CABLES1: variants seen among roughly 807,000 people sequenced by gnomAD.
CABLES1 encodes CDK5 and ABL1 enzyme substrate 1.
A neutral mutation model predicts 57.8 loss-of-function variants in CABLES1; 36 were observed. The observed-to-expected ratio is 0.62, with a 90% CI of 0.48 to 0.82. The LOEUF (loss-of-function observed/expected upper bound fraction) is 0.82, where lower values mean the gene tolerates loss of function less well. Among genes scored for constraint, CABLES1 ranks in the 40% least tolerant of loss-of-function variants. CABLES1 has a pLI of 0.00. For missense variants in CABLES1, 767 were observed against 836.6 expected (o/e 0.92, Z 1.03); for synonymous variants, 374 against 363.0 (o/e 1.03, Z -0.35).
chr18:23,142,761 G>T (rs1280994620), intron 1 of CABLES1, among the ~76,000 whole-genome samples: 1 of 152,194 alleles, frequency 6.6e-6, no homozygotes, highest in Non-Finnish European at 1.5e-5. Context: ...TGGTAGAGTG[G>T]TGAGTGAGTG....
intron 1 of CABLES1, among the ~76,000 whole-genome samples, chr18:23,171,171 G>C (rs560762354): frequency 1.3e-5 from 2 of 152,318 alleles, no homozygotes; most frequent in East Asian, 3.9e-4. Context: ...GTAGATCCAG[G>C]CCACATCTCC....
intron 7 of CABLES1, among the ~76,000 whole-genome samples, chr18:23,249,118 C>T (rs1281861513): frequency 1.3e-5 from 2 of 152,266 alleles, no homozygotes; most frequent in Admixed American, 1.3e-4. Flanking sequence ...CTGCCCTGAG[C>T]CTCTTGGCAG....
chr18:23,224,909 C>A (rs1409898198), intron 4 of CABLES1, among the ~76,000 whole-genome samples: 1 of 151,368 alleles, frequency 6.6e-6, no homozygotes, highest in African/African-American at 2.4e-5. Context: ...ACTGTATTGC[C>A]CAGGCTGGAG....
intron 1 of CABLES1, among the ~76,000 whole-genome samples, chr18:23,158,753 G>A (rs1345479528): frequency 1.3e-5 from 2 of 152,152 alleles, no homozygotes; most frequent in Non-Finnish European, 2.9e-5. Context: ...TCCCTGCCTC[G>A]AACGTGTGAG....
intron 4 of CABLES1, among the ~76,000 whole-genome samples, chr18:23,220,870 A>G (rs1429476433): frequency 6.6e-6 from 1 of 152,062 alleles, no homozygotes; most frequent in Non-Finnish European, 1.5e-5. Context: ...CCATCTGGAT[A>G]TTTGTCGTCT....
Position 23,227,917 on chromosome 18 carries a change from G to A in CABLES1, c.1089-6691G>A, listed in dbSNP as rs189583848. ...AGTGTTCAACCTATTGTTGTCCTTT[G>A]AAGAGCTAGCGCCTAGTGGAGCTCC... On this transcript the variant is annotated intron_variant, in intron 4 of 9. Transcript: ENST00000256925. Among the ~76,000 whole-genome samples, 7 of 152,286 alleles carry A rather than the reference G, an allele frequency of 4.6e-5. No homozygotes were observed. The East Asian group carries it at 1.4e-3, about 29-fold the overall frequency.
intron 7 of CABLES1, among the ~76,000 whole-genome samples, chr18:23,245,549 C>T (rs192161132): frequency 4.8e-4 from 72 of 151,474 alleles, no homozygotes; most frequent in African/African-American, 1.5e-3. Flanking sequence ...TTTCTGCAGT[C>T]GATATGGGAG....
At chr18:23,179,702 T>G (rs1278748232) in intron 1 of CABLES1, among the ~76,000 whole-genome samples, 1 of 152,248 alleles carries the variant, frequency 6.6e-6, no homozygotes, top group Non-Finnish European at 1.5e-5. Flanking sequence ...GGGCCATGCT[T>G]ACTTTCATCG....
At chr18:23,148,334 G>T (rs944579212) in intron 1 of CABLES1, among the ~76,000 whole-genome samples, 1 of 152,148 alleles carries the variant, frequency 6.6e-6, no homozygotes, top group East Asian at 1.9e-4. Flanking sequence ...CCGTGTGAGG[G>T]CTCCTCAGGG....
At chr18:23,154,933 G>T (rs2046956022) in intron 1 of CABLES1, among the ~76,000 whole-genome samples, 1 of 152,240 alleles carries the variant, frequency 6.6e-6, no homozygotes, top group Non-Finnish European at 1.5e-5. Context: ...TACCCATCCA[G>T]CCCCTGTTGG....
intron 7 of CABLES1, among the ~76,000 whole-genome samples, chr18:23,245,118 C>T (rs1233167528): frequency 1.3e-5 from 2 of 152,212 alleles, no homozygotes; most frequent in Non-Finnish European, 2.9e-5. Flanking sequence ...ATTCACTTCA[C>T]AGCATTGTTA....
intron 1 of CABLES1, among the ~76,000 whole-genome samples, chr18:23,145,417 C>T (rs1275923616): frequency 2.0e-5 from 3 of 152,124 alleles, no homozygotes; most frequent in Non-Finnish European, 4.4e-5. Flanking sequence ...GTCCTGTTCT[C>T]CTCTTTGGGG....
chr18:23,202,514 C>T (rs1228056191), intron 3 of CABLES1, among the ~76,000 whole-genome samples: 1 of 152,212 alleles, frequency 6.6e-6, no homozygotes, highest in African/African-American at 2.4e-5. Context: ...TAACCTGCAT[C>T]TTCACTGAGA....
chr18:23,223,629 G>A (rs906628854), intron 4 of CABLES1, among the ~76,000 whole-genome samples: 2 of 149,948 alleles, frequency 1.3e-5, no homozygotes, highest in Admixed American at 6.6e-5. Flanking sequence ...TCCCAAGCTC[G>A]GTTCTGTAGA....
At chr18:23,134,812 C>G, upstream of CABLES1, 1 of 152,126 alleles carries the variant, frequency 6.6e-6, no homozygotes, top group Non-Finnish European at 1.5e-5. Context: ...AGTTCGTTGG[C>G]CACATGTAAG....
intron 1 of CABLES1, among the ~76,000 whole-genome samples, chr18:23,170,268 T>C (rs2047073031): frequency 6.6e-6 from 1 of 152,132 alleles, no homozygotes; most frequent in South Asian, 2.1e-4. Flanking sequence ...CGCAAATTGT[T>C]CCCAAAAGGA....
intron 1 of CABLES1, among the ~76,000 whole-genome samples, chr18:23,179,724 G>A (rs2047150656): frequency 6.6e-6 from 1 of 152,242 alleles, no homozygotes; most frequent in Non-Finnish European, 1.5e-5. Flanking sequence ...CACTTTTGCT[G>A]CTGGACAAAG....
At chr18:23,157,965 T>C (rs2046976826) in intron 1 of CABLES1, among the ~76,000 whole-genome samples, 1 of 152,104 alleles carries the variant, frequency 6.6e-6, no homozygotes, top group Non-Finnish European at 1.5e-5. Flanking sequence ...TTCCGATCCT[T>C]GGTTTCCTTA....
At chr18:23,144,688 A>C (rs1376359066) in intron 1 of CABLES1, among the ~76,000 whole-genome samples, 1 of 152,168 alleles carries the variant, frequency 6.6e-6, no homozygotes, top group African/African-American at 2.4e-5. Flanking sequence ...CTAGAATTGA[A>C]CTTTAGTTTT....
Sources: allele counts gnomAD v4.1 joint callset (sites outside exome capture counted in the v4.1 genomes callset), GRCh38; gene constraint gnomAD v4.1.1; transcripts MANE v1.5; gene names NCBI Gene and HGNC (gene_info 2026-07-23, HGNC 2026-07-21).